STX18: variants seen among roughly 807,000 people sequenced by gnomAD.
The protein encoded by STX18 is syntaxin 18.
In STX18, 40 loss-of-function variants were observed where a neutral mutation model predicts 50.1. That is an observed-to-expected ratio of 0.80 (90% CI 0.62 to 1.04). STX18 has a LOEUF of 1.04. STX18 is among the 50% of genes least tolerant of loss of function. The probability of loss-of-function intolerance (pLI) is 0.00; values close to 1 mark genes in which losing one functional copy is unlikely to be tolerated. For synonymous variants in STX18, 158 were observed against 151.8 expected, an observed-to-expected ratio of 1.04 and a Z score of -0.30; for missense variants, 410 against 415.8, an observed-to-expected ratio of 0.99 and a Z score of 0.12.
chr4:4,501,578 G>C (rs775251232), intron 1 of STX18, among the ~76,000 whole-genome samples: 2 of 152,154 alleles, frequency 1.3e-5, no homozygotes, highest in Non-Finnish European at 2.9e-5. Context: ...ACTGTTTTGC[G>C]TTCTAACATT....
intron 2 of STX18, among the ~76,000 whole-genome samples, chr4:4,468,344 C>T (rs1360289866): frequency 6.6e-6 from 1 of 152,150 alleles, no homozygotes; most frequent in African/African-American, 2.4e-5. Context: ...CAGGGGCTAA[C>T]TTGAAATAGA....
chr4:4,435,877 A>T (rs1423463945), intron 6 of STX18, among the ~76,000 whole-genome samples: 1 of 152,200 alleles, frequency 6.6e-6, no homozygotes, highest in Admixed American at 6.5e-5. Flanking sequence ...GGATGACGGT[A>T]AGAGGTCTGT....
intron 7 of STX18, among the ~76,000 whole-genome samples, chr4:4,430,581 G>A (rs1420978055): frequency 3.9e-5 from 6 of 152,214 alleles, no homozygotes; most frequent in East Asian, 1.9e-4. Flanking sequence ...CAGTGTTACT[G>A]GGAGTGGCCG....
chr4:4,439,170 AC>A (rs1725959020), intron 5 of STX18, among the ~76,000 whole-genome samples: 2 of 115,984 alleles, frequency 1.7e-5, no homozygotes, highest in African/African-American at 3.3e-5. Context: ...CACATATATA[AC>A]CCCCTACATA....
chr4:4,481,975 AG>A (rs1238540851), intron 1 of STX18, among the ~76,000 whole-genome samples: 1 of 152,062 alleles, frequency 6.6e-6, no homozygotes, highest in African/African-American at 2.4e-5. Flanking sequence ...ATTCCTACTG[AG>A]GGGGACACTC....
intron 1 of STX18, 110 bp from the exon 2 acceptor site, chr4:4,471,816 C>T: frequency 1.3e-6 from 1 of 780,108 alleles, no homozygotes; most frequent in Non-Finnish European, 2.0e-6. Context: ...TCTGAAGCTA[C>T]AAACTGAGCA....
intron 1 of STX18, among the ~76,000 whole-genome samples, chr4:4,540,318 T>C (rs1731525643): frequency 6.6e-6 from 1 of 152,154 alleles, no homozygotes; most frequent in Non-Finnish European, 1.5e-5. Flanking sequence ...CAGGGCAAAA[T>C]TCAAACTCTG....
At chr4:4,450,744 C>T (rs1296498890) in intron 5 of STX18, among the ~76,000 whole-genome samples, 1 of 152,192 alleles carries the variant, frequency 6.6e-6, no homozygotes, top group East Asian at 1.9e-4. Flanking sequence ...CCTCTCCTCC[C>T]TGCCCTGGAA....
chr4:4,518,927 G>A (rs1010188918), intron 1 of STX18, among the ~76,000 whole-genome samples: 4 of 152,090 alleles, frequency 2.6e-5, no homozygotes, highest in Admixed American at 6.5e-5. Flanking sequence ...AGCCTTTCTC[G>A]AAAAAGGTCT....
rs565857453 is a variant in STX18, at chr4:4,500,914, A to G, written c.169-29208T>C. On this transcript the variant is annotated intron_variant, in intron 1 of 10. Coordinates refer to ENST00000306200, the MANE Select transcript of STX18 (RefSeq NM_016930.4). ...TAGCTGGGCGTGGTGGCGGGCGCCT[A>G]TACCCTCAGCTACTCGGGAGGCTGA... Among the ~76,000 whole-genome samples the G allele has an allele frequency of 8.3e-4, 127 of 152,180 alleles. 3 individuals carry two copies. The South Asian group carries it at 0.024, about 29-fold the overall frequency.
rs1176436272 is a variant in STX18 at position 4,420,018 on chromosome 4, G to T, written c.*16C>A. On this transcript the variant is annotated 3_prime_UTR_variant, in exon 11 of 11. Transcript: ENST00000306200. This position sits in a 1 kb window ranked among gnomAD's most constrained non-coding sequence, Gnocchi z 4.3. ...GTGCCCATGAGGACTCTCGTGCTGG[G>T]CCCCCGTGGCCCTGGCTAGCTGTCG... is the stretch of plus-strand genomic sequence containing the variant. 1.2e-6 allele frequency: 2 copies of T among 1,601,532 alleles called. No individual in the cohort carries two copies. Among genetic ancestry groups the T allele is most frequent in the Middle Eastern group, 1.7e-4 (1 of 5,804 alleles).
chr4:4,474,268 T>A lies in STX18; in HGVS notation c.169-2562A>T, dbSNP rs142989798. Among the ~76,000 whole-genome samples the A allele has an allele frequency of 2.0e-3, 308 of 152,270 alleles. 3 individuals carry two copies. Among genetic ancestry groups the A allele is most frequent in the East Asian group, 0.013 (65 of 5,180 alleles). On this transcript the variant is annotated intron_variant, in intron 1 of 10. Transcript: ENST00000306200. ...AACAATGACTAGTTCATAAACTGAT[T>A]TCCCTTCACCAGACTGCAAACTCTG...
At chr4:4,451,429 C>G (rs1726746504) in intron 5 of STX18, among the ~76,000 whole-genome samples, 3 of 152,168 alleles carry the variant, frequency 2.0e-5, no homozygotes, top group Non-Finnish European at 4.4e-5. Context: ...TTCAGTATGC[C>G]TTGCTTTATT....
chr4:4,484,518 A>G (rs553407066), intron 1 of STX18, among the ~76,000 whole-genome samples: 15 of 152,338 alleles, frequency 9.8e-5, no homozygotes, highest in Admixed American at 2.6e-4. Context: ...TATGCCATTA[A>G]AGACATCTAT....
intron 7 of STX18, 119 bp downstream of exon 7, chr4:4,434,651 T>A (rs914224849): frequency 2.7e-5 from 20 of 753,502 alleles, no homozygotes; most frequent in Admixed American, 1.1e-4. Context: ...TACACATTTA[T>A]AATTTTTAAA....
chr4:4,492,813 A>C (rs560480244), intron 1 of STX18, among the ~76,000 whole-genome samples: 1 of 152,316 alleles, frequency 6.6e-6, no homozygotes, highest in East Asian at 1.9e-4. Flanking sequence ...GTAGTCTGAA[A>C]AAAATGTGTG....
In STX18 at chr4:4,420,847, A is replaced by T; in HGVS notation, c.912+17T>A. 5 of 1,611,908 alleles carry T rather than the reference A, an allele frequency of 3.1e-6. No homozygotes were observed. Among genetic ancestry groups the T allele is most frequent in the Non-Finnish European group, 4.2e-6 (5 of 1,178,090 alleles). ...TGCTGCGCCACGTCGCACCTGGGGAACCTAAACAGTGCCTACCTCTCTTAT... is the reference window on the plus strand; with the variant it reads ...TGCTGCGCCACGTCGCACCTGGGGATCCTAAACAGTGCCTACCTCTCTTAT... On this transcript the variant is annotated intron_variant, in intron 10 of 10. Coordinates refer to ENST00000306200, the MANE Select transcript of STX18 (RefSeq NM_016930.4). The surrounding 1 kb of genome is among the most constrained non-coding windows in gnomAD (Gnocchi z 4.3).
At chr4:4,495,875 G>A (rs185671870) in intron 1 of STX18, among the ~76,000 whole-genome samples, 1 of 152,270 alleles carries the variant, frequency 6.6e-6, no homozygotes, top group East Asian at 1.9e-4. Flanking sequence ...TAGAATAGCA[G>A]AGCAGTGGTA....
At chr4:4,436,336 T>G (rs1725773526) in intron 6 of STX18, among the ~76,000 whole-genome samples, 1 of 152,200 alleles carries the variant, frequency 6.6e-6, no homozygotes, top group South Asian at 2.1e-4. Context: ...TAAAAGTATC[T>G]TTAGAAATGA....
Sources: gnomAD v4.1 joint callset for allele counts (sites outside exome capture counted in the v4.1 genomes callset) on GRCh38, gnomAD v4.1.1 for gene constraint, Gnocchi (gnomAD v3.1) non-coding constraint, MANE v1.5 for transcripts, NCBI Gene and HGNC (gene_info 2026-07-23, HGNC 2026-07-21) for gene names.